Variants in MYD88 observed in about 807,000 individuals in gnomAD.
MYD88 encodes myeloid differentiation primary response protein MyD88.
A neutral mutation model predicts 31.1 loss-of-function variants in MYD88; 15 were observed. The observed-to-expected ratio is 0.48, with a 90% CI of 0.32 to 0.74. The LOEUF (loss-of-function observed/expected upper bound fraction) is 0.74. Among genes scored for constraint, MYD88 ranks in the 30% least tolerant of loss-of-function variants. The probability of loss-of-function intolerance (pLI) is 0.03; values close to 1 mark genes in which losing one functional copy is unlikely to be tolerated. For synonymous variants in MYD88, 157 were observed against 158.8 expected, an observed-to-expected ratio of 0.99 and a Z score of 0.08; for missense variants, 308 against 387.4, an observed-to-expected ratio of 0.79 and a Z score of 1.72.
At position 38,141,391 on chromosome 3, in the gene MYD88, T is replaced by G; in HGVS notation, c.*105T>G. 1 of 1,484,144 alleles carries G rather than the reference T, an allele frequency of 6.7e-7. No individual in the cohort carries two copies. Among genetic ancestry groups the G allele is most frequent in the Admixed American group, 1.7e-5 (1 of 59,634 alleles). The allele number at this position is 1,484,144 out of a possible 1,614,324, so 91.9% of individuals were successfully genotyped here. On this transcript the variant is annotated 3_prime_UTR_variant, in exon 5 of 5. Transcript: ENST00000650905. ...AGGAGGAATCTGTGCTCTACTTACCTCTCAATTCCTGGAGATGCCAACTTC... is the reference window on the plus strand; with the variant it reads ...AGGAGGAATCTGTGCTCTACTTACCGCTCAATTCCTGGAGATGCCAACTTC...
Position 38,139,731 on chromosome 3 carries a change from G to A in MYD88, c.329-133G>A. 1.7e-6 allele frequency: 2 copies of A among 1,162,106 alleles called. No homozygotes were observed. The highest frequency in any genetic ancestry group is 1.3e-5 in the South Asian group (1 of 77,524). The allele number at this position is 1,162,106 out of a possible 1,614,324, so 72.0% of individuals were successfully genotyped here. A position where few individuals can be genotyped will look rare whatever the true frequency, so the allele number is the denominator to read the frequency against. On this transcript the variant is annotated intron_variant, in intron 1 of 4. Coordinates refer to ENST00000650905, the MANE Select transcript of MYD88 (RefSeq NM_002468.5). The surrounding 1 kb of genome is among the most constrained non-coding windows in gnomAD (Gnocchi z 4.7). ...ACTTCTCAGAGCCGTTGAGCTTCGC[G>A]TGGCACCAGTGAACTGGGGAAGCCC...
chr3:38,139,163 C>CATG lies in MYD88; in HGVS notation c.328+136_328+138dup. ...CCGAAGAAGCCTGCAGAGGGAGAAC[C>CATG]ATGCGGGTCCCGTTCCTTCTTAATA... On this transcript the variant is annotated intron_variant, in intron 1 of 4. Transcript: ENST00000650905. This position sits in a 1 kb window ranked among gnomAD's most constrained non-coding sequence, Gnocchi z 4.7. 1 of 1,207,150 alleles carries CATG rather than the reference C, an allele frequency of 8.3e-7. No individual in the cohort carries two copies. Among genetic ancestry groups the CATG allele is most frequent in the Non-Finnish European group, 1.1e-6 (1 of 890,302 alleles). 74.8% of individuals were successfully genotyped at this position (1,207,150 alleles called of 1,614,324 possible).
Position 38,139,710 on chromosome 3 carries a change from C to G in MYD88, c.329-154C>G. On this transcript the variant is annotated intron_variant, in intron 1 of 4. Transcript: ENST00000650905. The surrounding 1 kb of genome is among the most constrained non-coding windows in gnomAD (Gnocchi z 4.7). ...GTTAGAGCCAGTGGGAGCTCAACTT[C>G]TCAGAGCCGTTGAGCTTCGCGTGGC... 1 of 958,386 alleles carries G rather than the reference C, an allele frequency of 1.0e-6. No homozygotes were observed. Among genetic ancestry groups the G allele is most frequent in the South Asian group, 1.4e-5 (1 of 71,030 alleles). The allele number at this position is 958,386 out of a possible 1,614,324, so 59.4% of individuals were successfully genotyped here. A position where few individuals can be genotyped will look rare whatever the true frequency, so the allele number is the denominator to read the frequency against.
Position 38,141,689 on chromosome 3 carries a change from G to T in MYD88, c.*403G>T. ...GGTGAAGCATAGCTCTGGGTCTCCT[G>T]GGGGAGACCAGGCTTGGCTGCGGGA... On this transcript the variant is annotated 3_prime_UTR_variant, in exon 5 of 5. Coordinates refer to ENST00000650905, the MANE Select transcript of MYD88 (RefSeq NM_002468.5). The T allele has an allele frequency of 2.4e-6, 1 of 411,800 alleles. No homozygotes were observed. Among genetic ancestry groups the T allele is most frequent in the Non-Finnish European group, 4.6e-6 (1 of 218,730 alleles). 25.5% of individuals were successfully genotyped at this position (411,800 alleles called of 1,614,324 possible). A position where few individuals can be genotyped will look rare whatever the true frequency, so the allele number is the denominator to read the frequency against.
Position 38,139,059 on chromosome 3 carries a change from T to TG in MYD88, c.328+37dup. The TG allele has an allele frequency of 1.9e-6, 3 of 1,591,406 alleles. No homozygotes were observed. In the Admixed American group the frequency reaches 5.0e-5, roughly 27 times the overall value. ...GACGTCCCCTTCCTGGCCTCGTACC[T>TG]GGGGGGTGAGGAGGCTGACTTTCCG... On this transcript the variant is annotated intron_variant, in intron 1 of 4. Coordinates refer to ENST00000650905, the MANE Select transcript of MYD88 (RefSeq NM_002468.5). The surrounding 1 kb of genome is among the most constrained non-coding windows in gnomAD (Gnocchi z 4.7).
chr3:38,139,846 T>C lies in MYD88; in HGVS notation c.329-18T>C, dbSNP rs1348550025. 1 of 1,612,088 alleles carries C rather than the reference T, an allele frequency of 6.2e-7. No homozygotes were observed. Among genetic ancestry groups the C allele is most frequent in the African/African-American group, 1.3e-5 (1 of 74,896 alleles). On this transcript the variant is annotated intron_variant, in intron 1 of 4. Transcript: ENST00000650905. The surrounding 1 kb of genome is among the most constrained non-coding windows in gnomAD (Gnocchi z 4.7). ...GGCACTCCCAGGGAGGCTGCTTTAC[T>C]CTGTCTCTTCCCCACAGAGGAGGAT...
At chr3:38,141,061 G>A (rs1167259725) in intron 4 of MYD88, 71 bp from the exon 5 acceptor site, 1 of 1,606,244 alleles carries the variant, frequency 6.2e-7, no homozygotes, top group Non-Finnish European at 8.5e-7. Flanking sequence ...GTTAACCCTG[G>A]GGTTGAAGAC....
chr3:38,140,797 C>G lies in MYD88; in HGVS notation c.685C>G (p.Gln229Glu), dbSNP rs2125779592. 1 of 1,614,194 alleles carries G rather than the reference C, an allele frequency of 6.2e-7. No homozygotes were observed. Among genetic ancestry groups the G allele is most frequent in the African/African-American group, 1.3e-5 (1 of 75,042 alleles). Residue 229 changes from glutamine (Q) to glutamate (E), a missense_variant, in exon 4 of 5, where the codon CAG (glutamine) becomes GAG (glutamate). Transcript: ENST00000650905. ...GGTGGTTGTCTCTGATGATTACCTG[C>G]AGAGCAAGGAATGTGACTTCCAGAC... ...MVVVVSDDYL[Q>E]SKECDFQTKF...
At position 38,138,708 on chromosome 3, in the gene MYD88, C is replaced by T. The variant is rs779461452; in HGVS notation, c.8C>T (p.Ala3Val). The T allele has an allele frequency of 4.4e-6, 7 of 1,603,356 alleles. No individual in the cohort carries two copies. Among genetic ancestry groups the T allele is most frequent in the Non-Finnish European group, 6.0e-6 (7 of 1,173,634 alleles). Residue 3 changes from alanine to valine, a missense_variant, in exon 1 of 5, where the codon GCA (alanine) becomes GTA (valine). Coordinates refer to ENST00000650905, the MANE Select transcript of MYD88 (RefSeq NM_002468.5). The surrounding 1 kb of genome is among the most constrained non-coding windows in gnomAD (Gnocchi z 6.4). The part of the protein sequence containing the change: MA[A>V]GGPGAGSAAP... ...GCTCCAGGACCGCCCGCCATGGCTGCAGGAGGTCCCGGCGCGGGGTCTGCG... is the reference window on the plus strand; with the variant it reads ...GCTCCAGGACCGCCCGCCATGGCTGTAGGAGGTCCCGGCGCGGGGTCTGCG...
chr3:38,140,509 C>G lies in MYD88; in HGVS notation c.585C>G (p.Asp195Glu), dbSNP rs147683404. 47 of 1,614,236 alleles carry G rather than the reference C, an allele frequency of 2.9e-5. No homozygotes were observed. In the African/African-American group the frequency reaches 3.1e-4, roughly 11 times the overall value. The change falls in exon 3 of 5, where the codon GAC becomes GAG. Residue 195 changes from aspartate to glutamate, a missense_variant. Transcript: ENST00000650905. ...ATCGACTGAAGTTGTGTGTGTCTGA[C>G]CGCGATGTCCTGCCTGGCACCTGTG... ...TNYRLKLCVS[D>E]RDVLPGTCVW...
chr3:38,140,825 A>T lies in MYD88; in HGVS notation c.713A>T (p.Lys238Ile). Residue 238 changes from lysine (K) to isoleucine (I), a missense_variant, in exon 4 of 5, where the codon AAA becomes ATA. Physicochemically the swap from Lys to Ile is moderately radical, Grantham distance 102. Coordinates refer to ENST00000650905, the MANE Select transcript of MYD88 (RefSeq NM_002468.5). ...AGCAAGGAATGTGACTTCCAGACCA[A>T]ATTTGCACTCAGCCTCTCTCCAGGT... The part of the protein sequence containing the change: ...LQSKECDFQT[K>I]FALSLSPGAH... 6.2e-7 allele frequency: 1 copy of T among 1,614,126 alleles called. No individual in the cohort carries two copies. Among genetic ancestry groups the T allele is most frequent in the Non-Finnish European group, 8.5e-7 (1 of 1,180,032 alleles).
At chr3:38,140,686 C>G in intron 3 of MYD88, 71 bp from the exon 4 acceptor site, 1 of 1,597,132 alleles carries the variant, frequency 6.3e-7, no homozygotes, top group Non-Finnish European at 8.6e-7. Flanking sequence ...TGGGCCCTTC[C>G]TGAAGCTATT....
Position 38,139,167 on chromosome 3 carries a change from C to A in MYD88, c.328+139C>A. ...AGAAGCCTGCAGAGGGAGAACCATG[C>A]GGGTCCCGTTCCTTCTTAATAACCG... On this transcript the variant is annotated intron_variant, in intron 1 of 4. Coordinates refer to ENST00000650905, the MANE Select transcript of MYD88 (RefSeq NM_002468.5). The surrounding 1 kb of genome is among the most constrained non-coding windows in gnomAD (Gnocchi z 4.7). 8.4e-7 allele frequency: 1 copy of A among 1,184,268 alleles called. No individual in the cohort carries two copies. Among genetic ancestry groups the A allele is most frequent in the Non-Finnish European group, 1.1e-6 (1 of 869,606 alleles). 73.4% of individuals were successfully genotyped at this position (1,184,268 alleles called of 1,614,324 possible). A position where few individuals can be genotyped will look rare whatever the true frequency, so the allele number is the denominator to read the frequency against.
In MYD88 at chr3:38,141,338, C is replaced by T. The variant is rs1264900720; in HGVS notation, c.*52C>T. ...GTGTATCTGTCTGCCTGTCCATGTA[C>T]TTCTGCCCTGCCTCCTCCTTTCGTT... is the stretch of plus-strand genomic sequence containing the variant. On this transcript the variant is annotated 3_prime_UTR_variant, in exon 5 of 5. Transcript: ENST00000650905. The T allele has an allele frequency of 5.6e-6, 9 of 1,608,870 alleles. No homozygotes were observed. The highest frequency in any genetic ancestry group is 1.3e-5 in the African/African-American group (1 of 74,834).
At chr3:38,140,365 C>T in intron 2 of MYD88, 23 bp from the exon 3 acceptor site, 1 of 1,613,604 alleles carries the variant, frequency 6.2e-7, no homozygotes, top group Non-Finnish European at 8.5e-7. Flanking sequence ...GCTCTGACCA[C>T]CACCCTTGTG....
In MYD88 at chr3:38,138,913, T is replaced by G. The variant is rs779090607; in HGVS notation, c.213T>G (p.Thr71=). The G allele has an allele frequency of 1.2e-6, 2 of 1,612,918 alleles. No homozygotes were observed. The highest frequency in any genetic ancestry group is 2.7e-5 in the African/African-American group (2 of 74,942). ...AACTGGAGACACAAGCGGACCCCAC[T>G]GGCAGGCTGCTGGACGCCTGGCAGG... ...IRQLETQADP[T]GRLLDAWQGR... is the part of the protein sequence containing the mutation. Residue 71 remains threonine, a synonymous_variant, in exon 1 of 5, where the codon ACT becomes ACG. Coordinates refer to ENST00000650905, the MANE Select transcript of MYD88 (RefSeq NM_002468.5). This position sits in a 1 kb window ranked among gnomAD's most constrained non-coding sequence, Gnocchi z 6.4.
rs1701102528 is a variant in MYD88 at position 38,142,448 on chromosome 3, C to G, written c.*1162C>G. On this transcript the variant is annotated 3_prime_UTR_variant, in exon 5 of 5. Coordinates refer to ENST00000650905, the MANE Select transcript of MYD88 (RefSeq NM_002468.5). ...TGTCCCTGAACAAAAATTGGGCACT[C>G]ATCTATTCCTTTTCTCTTGTGTCCC... 1 of 233,190 alleles carries G rather than the reference C, an allele frequency of 4.3e-6. No individual in the cohort carries two copies. The highest frequency in any genetic ancestry group is 8.5e-6 in the Non-Finnish European group (1 of 118,086). 14.4% of individuals were successfully genotyped at this position (233,190 alleles called of 1,614,324 possible).
chr3:38,142,421 C>T lies in MYD88; in HGVS notation c.*1135C>T. 4.3e-6 allele frequency: 1 copy of T among 233,314 alleles called. No individual in the cohort carries two copies. The highest frequency in any genetic ancestry group is 8.5e-6 in the Non-Finnish European group (1 of 118,066). 14.5% of individuals were successfully genotyped at this position (233,314 alleles called of 1,614,324 possible). A position where few individuals can be genotyped will look rare whatever the true frequency, so the allele number is the denominator to read the frequency against. ...AGTCCCATCACTGAGGGAGCCTAAC[C>T]ATGTCCCTGAACAAAAATTGGGCAC... is the stretch of plus-strand genomic sequence containing the variant. On this transcript the variant is annotated 3_prime_UTR_variant, in exon 5 of 5. Coordinates refer to ENST00000650905, the MANE Select transcript of MYD88 (RefSeq NM_002468.5).
rs761677852 is a variant in MYD88, at chr3:38,141,212, G to A, written c.817G>A (p.Val273Ile). The A allele has an allele frequency of 2.5e-6, 4 of 1,614,194 alleles. No homozygotes were observed. The highest frequency in any genetic ancestry group is 2.2e-5 in the South Asian group (2 of 91,088). The change falls in exon 5 of 5, where the codon GTC (valine) becomes ATC (isoleucine). Residue 273 changes from valine to isoleucine, a missense_variant. Physicochemically the swap from Val to Ile is conservative, Grantham distance 29. Transcript: ENST00000650905. ...CCCCAGCATCCTGAGGTTCATCACT[G>A]TCTGCGACTACACCAACCCCTGCAC... ...EFPSILRFIT[V>I]CDYTNPCTKS... is the part of the protein sequence containing the mutation.
Sources: allele counts gnomAD v4.1 joint callset, GRCh38; gene constraint gnomAD v4.1.1; non-coding constraint Gnocchi (gnomAD v3.1); transcripts MANE v1.5; gene names NCBI Gene and HGNC (gene_info 2026-07-23, HGNC 2026-07-21).